The following SH2B3 variants were observed in gnomAD, a reference collection of about 807,000 sequenced individuals.
SH2B3 encodes the protein SH2B adapter protein 3.
In SH2B3, 43 loss-of-function variants were observed where a neutral mutation model predicts 51.9. That is an observed-to-expected ratio of 0.83 (90% CI 0.65 to 1.07). The LOEUF (loss-of-function observed/expected upper bound fraction) is 1.07, where lower values mean the gene tolerates loss of function less well. SH2B3 is among the 50% of genes least tolerant of loss of function. SH2B3 has a pLI of 0.00. For synonymous variants in SH2B3, 396 were observed against 376.0 expected, an observed-to-expected ratio of 1.05 and a Z score of -0.62; for missense variants, 952 against 834.3, an observed-to-expected ratio of 1.14 and a Z score of -1.74.
chr12:111,441,878 C>G (rs1246996841), intron 2 of SH2B3, among the ~76,000 whole-genome samples: 2 of 152,058 alleles, frequency 1.3e-5, no homozygotes, highest in Admixed American at 1.3e-4. Flanking sequence ...CAGCTGTCTC[C>G]CAGCTCTTTC....
In SH2B3 at chr12:111,409,437, A is replaced by C. The variant is rs1870507466; in HGVS notation, c.-28+3160A>C. Among the ~76,000 whole-genome samples, 1 of 152,216 alleles carries C rather than the reference A, an allele frequency of 6.6e-6. No homozygotes were observed. The highest frequency in any genetic ancestry group is 2.4e-5 in the African/African-American group (1 of 41,462). ...GGTCCCCAAGGGCCCGCGGGCGTTC[A>C]GCATCTTTGACGAGGCAGGGCAGGA... On this transcript the variant is annotated intron_variant, in intron 1 of 7. Transcript: ENST00000341259. This position sits in a 1 kb window ranked among gnomAD's most constrained non-coding sequence, Gnocchi z 4.0.
At position 111,448,553 on chromosome 12, in the gene SH2B3, C is replaced by G; in HGVS notation, c.*251C>G. ...TCTTGTTAGAGGATGCCGCTAGCTC[C>G]TGCCCGGGGTCCCTATGCCCAGTCC... On this transcript the variant is annotated 3_prime_UTR_variant, in exon 8 of 8. Coordinates refer to ENST00000341259, the MANE Select transcript of SH2B3 (RefSeq NM_005475.3). The G allele has an allele frequency of 2.0e-6, 1 of 496,296 alleles. No homozygotes were observed. Among genetic ancestry groups the G allele is most frequent in the Non-Finnish European group, 3.6e-6 (1 of 278,954 alleles). 30.7% of individuals were successfully genotyped at this position (496,296 alleles called of 1,614,324 possible).
At position 111,418,238 on chromosome 12, in the gene SH2B3, G is replaced by A; in HGVS notation, c.93G>A (p.Glu31=). The A allele has an allele frequency of 6.4e-7, 1 of 1,565,724 alleles. No homozygotes were observed. The highest frequency in any genetic ancestry group is 8.6e-7 in the Non-Finnish European group (1 of 1,164,930). Residue 31 remains glutamate (E), a synonymous_variant, in exon 2 of 8, where the codon GAG becomes GAA. Transcript: ENST00000341259. The surrounding 1 kb of genome is among the most constrained non-coding windows in gnomAD (Gnocchi z 6.7). ...AAPRGWSEFC[E]LHAVAAAREL... The stretch of plus-strand genomic sequence containing the variant: ...CGCGGGGCTGGAGCGAGTTCTGTGA[G>A]TTGCACGCCGTAGCGGCGGCCCGGG...
chr12:111,439,498 C>A (rs111442488), intron 2 of SH2B3, among the ~76,000 whole-genome samples: 8,851 of 152,164 alleles, frequency 0.058, 400 homozygotes, highest in South Asian at 0.22. Context: ...ATTGGCCAGG[C>A]TGGTCTTGAA....
At chr12:111,421,705 C>T (rs1392892918) in intron 2 of SH2B3, among the ~76,000 whole-genome samples, 1 of 152,158 alleles carries the variant, frequency 6.6e-6, no homozygotes, top group Non-Finnish European at 1.5e-5. Flanking sequence ...GCATGAGCCA[C>T]CACGCCCAGC....
At chr12:111,432,091 C>T (rs1459438091) in intron 2 of SH2B3, among the ~76,000 whole-genome samples, 1 of 151,374 alleles carries the variant, frequency 6.6e-6, no homozygotes, top group African/African-American at 2.4e-5. Flanking sequence ...GCTTTTTTCA[C>T]TTTGTGTCCT....
chr12:111,447,709 C>CT lies in SH2B3; in HGVS notation c.1293dup (p.Pro432SerfsTer24). On this transcript the variant is annotated frameshift_variant, in exon 7 of 8. Transcript: ENST00000341259. LOFTEE classifies it high-confidence loss of function. Reference sequence around the variant, plus strand: ...GCCAGTGCCGTGTGCAGCACCTCCACTTTCCCTCGGTCGTGGACATGCTCC... The same window carrying CT: ...GCCAGTGCCGTGTGCAGCACCTCCACTTTTCCCTCGGTCGTGGACATGCTCC... The CT allele has an allele frequency of 6.2e-7, 1 of 1,614,030 alleles. No homozygotes were observed. Among genetic ancestry groups the CT allele is most frequent in the Non-Finnish European group, 8.5e-7 (1 of 1,180,002 alleles).
Position 111,409,934 on chromosome 12 carries a change from TTAGA to T in SH2B3, c.-28+3662_-28+3665del, listed in dbSNP as rs1238358755. ...AGCCGGAAACCCGGCAGCTGAGCAG[TTAGA>T]TAGAAGATTTTTCCTCCCACGCCAC... On this transcript the variant is annotated intron_variant, in intron 1 of 7. Coordinates refer to ENST00000341259, the MANE Select transcript of SH2B3 (RefSeq NM_005475.3). The surrounding 1 kb of genome is among the most constrained non-coding windows in gnomAD (Gnocchi z 4.0). Among the ~76,000 whole-genome samples, 2 of 151,944 alleles carry T rather than the reference TTAGA, an allele frequency of 1.3e-5. No homozygotes were observed. Among genetic ancestry groups the T allele is most frequent in the Admixed American group, 1.3e-4 (2 of 15,278 alleles).
Position 111,446,812 on chromosome 12 carries a change from A to G in SH2B3, c.792A>G (p.Thr264=), listed in dbSNP as rs1463817109. The change falls in exon 3 of 8, where the codon ACA becomes ACG. Residue 264 remains threonine (T), a synonymous_variant. Transcript: ENST00000341259. The part of the protein sequence containing the change: ...CSSIQEVRWC[T]RLEMPDNLYT... ...GCATCCAGGAGGTCCGGTGGTGCAC[A>G]CGGCTTGAGATGCCTGACAACCTTT... 6.3e-7 allele frequency: 1 copy of G among 1,580,114 alleles called. No homozygotes were observed.
At chr12:111,444,737 A>C (rs993354477) in intron 2 of SH2B3, 2 of 985,678 alleles carry the variant, frequency 2.0e-6, no homozygotes, top group East Asian at 1.1e-4. Flanking sequence ...CCTTCCCTGC[A>C]GTGGCCAGAG....
upstream of SH2B3, among the ~76,000 whole-genome samples, chr12:111,405,586 A>G (rs1388463520): frequency 6.6e-6 from 1 of 151,568 alleles, no homozygotes; most frequent in African/African-American, 2.4e-5. The surrounding 1 kb of genome is among the most constrained non-coding windows in gnomAD (Gnocchi z 5.4). Context: ...GCCGGCGTTG[A>G]GTGGGTGGGG....
intron 2 of SH2B3, among the ~76,000 whole-genome samples, chr12:111,432,271 C>G (rs1370475744): frequency 6.6e-6 from 1 of 152,074 alleles, no homozygotes; most frequent in Non-Finnish European, 1.5e-5. Context: ...AGGCTGGTCT[C>G]GAACTCCTGA....
chr12:111,437,075 C>G (rs1006390120), intron 2 of SH2B3, among the ~76,000 whole-genome samples: 2 of 152,110 alleles, frequency 1.3e-5, no homozygotes, highest in Non-Finnish European at 2.9e-5. Context: ...TCTGTCTCTG[C>G]CTCTACCATC....
intron 2 of SH2B3, chr12:111,443,517 C>G (rs957483471): frequency 6.6e-6 from 1 of 152,210 alleles, no homozygotes; most frequent in Admixed American, 6.5e-5. Context: ...TTTATTTCGG[C>G]TAAGTGACAG....
chr12:111,440,119 C>T (rs767076090), intron 2 of SH2B3, among the ~76,000 whole-genome samples: 2 of 152,248 alleles, frequency 1.3e-5, no homozygotes, highest in Non-Finnish European at 2.9e-5. Context: ...ACCCAGGTCC[C>T]ATGTTAAAAT....
chr12:111,430,697 T>TC (rs1872404262), intron 2 of SH2B3, among the ~76,000 whole-genome samples: 1 of 152,168 alleles, frequency 6.6e-6, no homozygotes, highest in Non-Finnish European at 1.5e-5. Flanking sequence ...GGCCAAGAAC[T>TC]TGGCCTCTCT....
chr12:111,426,823 CAA>C (rs964784223), intron 2 of SH2B3, among the ~76,000 whole-genome samples: 1 of 152,092 alleles, frequency 6.6e-6, no homozygotes, highest in African/African-American at 2.4e-5. Context: ...CTGGGAGAAG[CAA>C]AGAGACTTGC....
rs748374121 is a variant in SH2B3, at chr12:111,407,621, A to C, written c.-28+1344A>C. Among the ~76,000 whole-genome samples, 23 of 152,182 alleles carry C rather than the reference A, an allele frequency of 1.5e-4. No individual in the cohort carries two copies. The highest frequency in any genetic ancestry group is 2.8e-4 in the Non-Finnish European group (19 of 68,016). On this transcript the variant is annotated intron_variant, in intron 1 of 7. Transcript: ENST00000341259. The surrounding 1 kb of genome is among the most constrained non-coding windows in gnomAD (Gnocchi z 4.3). Reference sequence around the variant, plus strand: ...ATGAGAGCCAGGGCCTACTGGGGGAAGTTGGAAGGGTTTTTAGTGCACTTT... The same window carrying C: ...ATGAGAGCCAGGGCCTACTGGGGGACGTTGGAAGGGTTTTTAGTGCACTTT...
chr12:111,433,364 A>T (rs1176392464), intron 2 of SH2B3, among the ~76,000 whole-genome samples: 1 of 152,170 alleles, frequency 6.6e-6, no homozygotes, highest in African/African-American at 2.4e-5. Flanking sequence ...AAAAAAAATG[A>T]CTATATATAA....
Sources: allele counts gnomAD v4.1 joint callset (sites outside exome capture counted in the v4.1 genomes callset), GRCh38; gene constraint gnomAD v4.1.1; non-coding constraint Gnocchi (gnomAD v3.1); transcripts MANE v1.5; gene names NCBI Gene and HGNC (gene_info 2026-07-23, HGNC 2026-07-21).